Variants in HBS1L observed in about 807,000 individuals in gnomAD.
HBS1L encodes HBS1 like translational GTPase, also known as HBS1-like protein.
A neutral mutation model predicts 88.9 loss-of-function variants in HBS1L; 55 were observed. The ratio of observed to expected loss-of-function variants is 0.62; its 90% CI spans 0.50 to 0.77. HBS1L has a LOEUF of 0.77. Among genes scored for constraint, HBS1L ranks in the 30% least tolerant of loss-of-function variants. HBS1L has a pLI of 0.00. For synonymous variants in HBS1L, 267 were observed against 288.5 expected, an observed-to-expected ratio of 0.93 and a Z score of 0.76; for missense variants, 741 against 829.3, an observed-to-expected ratio of 0.89 and a Z score of 1.31.
intron 4 of HBS1L, chr6:135,036,871 T>C (rs772967296): frequency 1.4e-5 from 22 of 1,551,584 alleles, no homozygotes; most frequent in Admixed American, 3.9e-5. Flanking sequence ...CTTAGCAAAA[T>C]TGGAATTCTT....
At chr6:135,022,430 TA>T (rs919264861) in intron 4 of HBS1L, among the ~76,000 whole-genome samples, 3 of 152,162 alleles carry the variant, frequency 2.0e-5, no homozygotes, top group African/African-American at 7.2e-5. Flanking sequence ...TTTGAGAGTC[TA>T]AAGCAAATTA....
At chr6:134,975,333 T>C (rs1216829464) in intron 15 of HBS1L, among the ~76,000 whole-genome samples, 2 of 151,962 alleles carry the variant, frequency 1.3e-5, no homozygotes, top group Non-Finnish European at 2.9e-5. Context: ...AGAGACCACA[T>C]TGCCCAATCT....
At chr6:135,003,307 T>C (rs946430846) in intron 4 of HBS1L, among the ~76,000 whole-genome samples, 2 of 152,182 alleles carry the variant, frequency 1.3e-5, no homozygotes, top group Non-Finnish European at 1.5e-5. Flanking sequence ...TGCTGGAATA[T>C]AGTATATATT....
At chr6:135,036,231 G>T in intron 4 of HBS1L, 1 of 950,864 alleles carries the variant, frequency 1.1e-6, no homozygotes, top group Non-Finnish European at 1.3e-6. Context: ...ATATTTCATA[G>T]AAAAAAATAT....
At chr6:135,049,229 G>C (rs1777005200) in intron 2 of HBS1L, among the ~76,000 whole-genome samples, 1 of 152,152 alleles carries the variant, frequency 6.6e-6, no homozygotes, top group African/African-American at 2.4e-5. Flanking sequence ...CTGGCTCACA[G>C]ACAGCACCTA....
intron 4 of HBS1L, among the ~76,000 whole-genome samples, chr6:135,003,701 C>T (rs1377355040): frequency 6.6e-6 from 1 of 151,848 alleles, no homozygotes; most frequent in Non-Finnish European, 1.5e-5. Context: ...CCCCTCTCTA[C>T]TGAAAATACA....
intron 4 of HBS1L, among the ~76,000 whole-genome samples, chr6:135,027,438 C>T (rs1447986159): frequency 2.0e-5 from 3 of 151,970 alleles, no homozygotes; most frequent in Non-Finnish European, 4.4e-5. Context: ...CTCTCTTGGA[C>T]TCTTGGCTTA....
intron 2 of HBS1L, among the ~76,000 whole-genome samples, chr6:135,047,430 C>G (rs549154923): frequency 6.6e-6 from 1 of 152,254 alleles, no homozygotes; most frequent in East Asian, 1.9e-4. Context: ...AATGTATTTC[C>G]AAATCCAATG....
chr6:134,965,719 G>A (rs1774294080), intron 17 of HBS1L, among the ~76,000 whole-genome samples: 1 of 152,152 alleles, frequency 6.6e-6, no homozygotes, highest in Non-Finnish European at 1.5e-5. Flanking sequence ...AACTGGTGGA[G>A]CAAGAACACA....
In HBS1L at chr6:135,040,008, CTAA is replaced by C. The variant is rs565597377; in HGVS notation, c.236-244_236-242del. ...TAAAATGTCTCCTGAATAATAGTGACTAATGTTTCAAAAAAGTGTACATTGCAC... is the reference window on the plus strand; with the variant it reads ...TAAAATGTCTCCTGAATAATAGTGACTGTTTCAAAAAAGTGTACATTGCAC... On this transcript the variant is annotated intron_variant, in intron 3 of 17. Coordinates refer to ENST00000367837, the MANE Select transcript of HBS1L (RefSeq NM_006620.4). Among the ~76,000 whole-genome samples the C allele has an allele frequency of 1.8e-4, 27 of 152,244 alleles. No homozygotes were observed. The East Asian group carries it at 4.4e-3, about 25-fold the overall frequency.
intron 15 of HBS1L, among the ~76,000 whole-genome samples, chr6:134,975,235 C>T (rs1054059124): frequency 1.3e-5 from 2 of 152,074 alleles, no homozygotes; most frequent in Non-Finnish European, 2.9e-5. Context: ...ACAAGGAGAA[C>T]TACAAAACAC....
chr6:135,037,253 A>G, intron 4 of HBS1L: 1 of 1,552,034 alleles, frequency 6.4e-7, no homozygotes, highest in Non-Finnish European at 8.7e-7. Flanking sequence ...AAACTGGCAG[A>G]TGACTGGTTA....
At chr6:135,009,582 C>A (rs1775712287) in intron 4 of HBS1L, among the ~76,000 whole-genome samples, 1 of 152,006 alleles carries the variant, frequency 6.6e-6, no homozygotes. Flanking sequence ...AGATTATGTT[C>A]ATGGACTCCC....
intron 4 of HBS1L, among the ~76,000 whole-genome samples, chr6:135,033,542 T>C (rs1326287513): frequency 2.0e-5 from 3 of 152,052 alleles, no homozygotes; most frequent in South Asian, 2.1e-4. Flanking sequence ...CCAAGGAAAA[T>C]AGGAAGCCTG....
At chr6:134,974,462 A>G (rs578183905) in intron 15 of HBS1L, among the ~76,000 whole-genome samples, 6 of 152,310 alleles carry the variant, frequency 3.9e-5, no homozygotes, top group Non-Finnish European at 7.4e-5. Flanking sequence ...ACAAAAAAAG[A>G]AAGCTACAGA....
At chr6:135,043,055 T>C (rs1462824491) in intron 2 of HBS1L, among the ~76,000 whole-genome samples, 1 of 152,220 alleles carries the variant, frequency 6.6e-6, no homozygotes, top group Admixed American at 6.5e-5. Flanking sequence ...AACTGGGTAT[T>C]CATATGTATC....
At chr6:135,037,507 A>C in intron 4 of HBS1L, 1 of 1,549,476 alleles carries the variant, frequency 6.5e-7, no homozygotes, top group Non-Finnish European at 8.7e-7. Flanking sequence ...TGAACTTCCT[A>C]AACTGTCCTG....
chr6:135,046,184 T>C (rs949036293), intron 2 of HBS1L, among the ~76,000 whole-genome samples: 4 of 152,134 alleles, frequency 2.6e-5, no homozygotes, highest in African/African-American at 9.7e-5. Flanking sequence ...CCATTCTTAC[T>C]CCCAAATTTC....
chr6:134,994,494 T>C (rs1286307961), intron 7 of HBS1L, among the ~76,000 whole-genome samples: 1 of 152,120 alleles, frequency 6.6e-6, no homozygotes, highest in Non-Finnish European at 1.5e-5. Context: ...AGTGAAATGC[T>C]TGGGACTAGA....
Sources: gnomAD v4.1 joint callset for allele counts (sites outside exome capture counted in the v4.1 genomes callset) on GRCh38, gnomAD v4.1.1 for gene constraint, MANE v1.5 for transcripts, NCBI Gene and HGNC (gene_info 2026-07-23, HGNC 2026-07-21) for gene names.